PODXL: variants seen among roughly 807,000 people sequenced by gnomAD.
PODXL encodes the protein podocalyxin.
Under a neutral mutation model 48.9 loss-of-function variants are expected in PODXL, and 20 were observed. The ratio of observed to expected loss-of-function variants is 0.41; its 90% CI spans 0.29 to 0.59. The LOEUF is 0.59. Ranked by LOEUF, PODXL falls within the 20% of genes least tolerant of loss-of-function variation. The pLI, the probability that PODXL is intolerant of heterozygous loss-of-function variation, is 0.31. For synonymous variants in PODXL, 295 were observed against 287.4 expected, an observed-to-expected ratio of 1.03 and a Z score of -0.27; for missense variants, 606 against 675.1, an observed-to-expected ratio of 0.90 and a Z score of 1.13.
chr7:131,550,458 C>T (rs1257186603), intron 1 of PODXL, among the ~76,000 whole-genome samples: 1 of 152,098 alleles, frequency 6.6e-6, no homozygotes, highest in Non-Finnish European at 1.5e-5. Context: ...CGTTCAAGAC[C>T]AGCCTGGCCA....
rs916786296 is a variant in PODXL, at chr7:131,511,573, C to T, written c.101-140G>A. On this transcript the variant is annotated intron_variant, in intron 1 of 8. Transcript: ENST00000378555. ...CTAAAGGCCTGGGTCTTTGGTGAATCCAGAATTTTCGGAGGTTCAAGAAAC... is the reference window on the plus strand; with the variant it reads ...CTAAAGGCCTGGGTCTTTGGTGAATTCAGAATTTTCGGAGGTTCAAGAAAC... 6.4e-6 allele frequency: 5 copies of T among 784,136 alleles called. No homozygotes were observed. In the Admixed American group the frequency reaches 8.6e-5, roughly 14 times the overall value. The allele number at this position is 784,136 out of a possible 1,614,324, so 48.6% of individuals were successfully genotyped here. A position where few individuals can be genotyped will look rare whatever the true frequency, so the allele number is the denominator to read the frequency against.
chr7:131,511,654 C>CA (rs1797916818), intron 1 of PODXL, among the ~76,000 whole-genome samples: 1 of 151,758 alleles, frequency 6.6e-6, no homozygotes, highest in African/African-American at 2.4e-5. Context: ...TGGGGTCTTG[C>CA]TATATTGCCC....
rs57935236 is a variant in PODXL, at chr7:131,526,739, C to CTTTTTTTTTTT, written c.101-15317_101-15307dup. Among the ~76,000 whole-genome samples, 475 of 90,486 alleles carry CTTTTTTTTTTT rather than the reference C, an allele frequency of 5.2e-3. 34 individuals are homozygous for CTTTTTTTTTTT. Among genetic ancestry groups the CTTTTTTTTTTT allele is most frequent in the African/African-American group, 0.019 (423 of 22,568 alleles). 59.4% of individuals were successfully genotyped at this position (90,486 alleles called of 152,430 possible). ...TTGTTCAATCCACAACTTCCTTACT[C>CTTTTTTTTTTT]TTTTTTTTTTTTTTTTTTTTGAGAC... On this transcript the variant is annotated intron_variant, in intron 1 of 8. Transcript: ENST00000378555.
chr7:131,515,526 C>A (rs928334716), intron 1 of PODXL, among the ~76,000 whole-genome samples: 2 of 152,046 alleles, frequency 1.3e-5, no homozygotes, highest in Non-Finnish European at 2.9e-5. Context: ...CTCAGCCTCC[C>A]AAGTAGCTGA....
intron 4 of PODXL, 168 bp downstream of exon 4, chr7:131,509,197 T>A: frequency 1.2e-6 from 1 of 816,896 alleles, no homozygotes; most frequent in Non-Finnish European, 2.1e-6. Flanking sequence ...TGAGGGCAGC[T>A]CAAGCCAGGA....
chr7:131,529,656 G>A (rs1056846274), intron 1 of PODXL, among the ~76,000 whole-genome samples: 8 of 151,976 alleles, frequency 5.3e-5, no homozygotes, highest in South Asian at 4.2e-4. Context: ...CAAGATGAGC[G>A]GATGTGTTCC....
intron 1 of PODXL, among the ~76,000 whole-genome samples, chr7:131,547,543 A>G (rs928580892): frequency 2.1e-4 from 32 of 152,322 alleles, no homozygotes; most frequent in Non-Finnish European, 4.1e-4. Context: ...AAGGCTAACA[A>G]GTGTCGAAGC....
Position 131,500,964 on chromosome 7 carries a change from A to G in PODXL, c.*3347T>C, listed in dbSNP as rs1797690769. 1 of 152,188 alleles carries G rather than the reference A, an allele frequency of 6.6e-6. No individual in the cohort carries two copies. The highest frequency in any genetic ancestry group is 1.9e-4 in the East Asian group (1 of 5,196). 9.4% of individuals were successfully genotyped at this position (152,188 alleles called of 1,614,324 possible). A position where few individuals can be genotyped will look rare whatever the true frequency, so the allele number is the denominator to read the frequency against. Reference sequence around the variant, plus strand: ...TGAGCTTCAGATTATCTTTTTCTCTAGAAAAAGATTGGACTAGATCTTGAA... The same window carrying G: ...TGAGCTTCAGATTATCTTTTTCTCTGGAAAAAGATTGGACTAGATCTTGAA... On this transcript the variant is annotated 3_prime_UTR_variant, in exon 9 of 9. Transcript: ENST00000378555.
In PODXL at chr7:131,505,917, G is replaced by A. The variant is rs371046754; in HGVS notation, c.1430C>T (p.Ala477Val). 18 of 1,586,810 alleles carry A rather than the reference G, an allele frequency of 1.1e-5. No homozygotes were observed. Among genetic ancestry groups the A allele is most frequent in the Admixed American group, 1.8e-5 (1 of 54,936 alleles). Residue 477 changes from alanine (A) to valine (V), a missense_variant, in exon 8 of 9, where the codon GCG (alanine) becomes GTG (valine). Coordinates refer to ENST00000378555, the MANE Select transcript of PODXL (RefSeq NM_001018111.3). ...VCMASFLLLV[A>V]ALYGCCHQRL... ...CTGGTGGCAGCAGCCATAGAGGGCC[G>A]CCACGAGGAGCAGGAATGATGCCAT...
At position 131,522,040 on chromosome 7, in the gene PODXL, C is replaced by T. The variant is rs114090191; in HGVS notation, c.101-10607G>A. ...GAACATCTAGGAAGAGGCAGGAATG[C>T]CAGTGAAGGCCGCACCCTCAAGCTC... On this transcript the variant is annotated intron_variant, in intron 1 of 8. Coordinates refer to ENST00000378555, the MANE Select transcript of PODXL (RefSeq NM_001018111.3). Among the ~76,000 whole-genome samples, 1,346 of 152,332 alleles carry T rather than the reference C, an allele frequency of 8.8e-3. 19 individuals carry two copies. Among genetic ancestry groups the T allele is most frequent in the African/African-American group, 0.031 (1,301 of 41,574 alleles).
At chr7:131,506,363 C>T (rs758506387) in intron 6 of PODXL, 42 bp from the exon 7 acceptor site, 13 of 1,604,494 alleles carry the variant, frequency 8.1e-6, no homozygotes, top group Admixed American at 1.7e-5. Context: ...CAGCCCAGAG[C>T]GAGGCAGTGG....
At chr7:131,541,841 G>A (rs776619453) in intron 1 of PODXL, among the ~76,000 whole-genome samples, 9 of 152,134 alleles carry the variant, frequency 5.9e-5, no homozygotes, top group South Asian at 4.1e-4. Flanking sequence ...GCTAGAGTTC[G>A]TCAAGGAAGC....
intron 1 of PODXL, among the ~76,000 whole-genome samples, chr7:131,523,248 T>A (rs938523364): frequency 3.9e-5 from 6 of 152,194 alleles, no homozygotes; most frequent in African/African-American, 1.4e-4. Flanking sequence ...CTCACTGTGG[T>A]TTTAATTTTT....
At position 131,511,288 on chromosome 7, in the gene PODXL, G is replaced by A. The variant is rs373531884; in HGVS notation, c.246C>T (p.Thr82=). 26 of 1,614,000 alleles carry A rather than the reference G, an allele frequency of 1.6e-5. No homozygotes were observed. Among genetic ancestry groups the A allele is most frequent in the Non-Finnish European group, 2.1e-5 (25 of 1,180,016 alleles). ...CCGGTGAGTCACTGGATACACCAAGGGTGGTCGCCTTGACCGAGGCCAAGA... is the reference window on the plus strand; with the variant it reads ...CCGGTGAGTCACTGGATACACCAAGAGTGGTCGCCTTGACCGAGGCCAAGA... ...NEILASVKAT[T]LGVSSDSPGT... The change falls in exon 2 of 9, where the codon ACC becomes ACT. Residue 82 remains threonine, a synonymous_variant. Transcript: ENST00000378555.
chr7:131,514,866 C>T (rs1797967689), intron 1 of PODXL, among the ~76,000 whole-genome samples: 1 of 152,144 alleles, frequency 6.6e-6, no homozygotes, highest in South Asian at 2.1e-4. Flanking sequence ...GCCTCGGCCT[C>T]CCAAAGTGCT....
intron 1 of PODXL, among the ~76,000 whole-genome samples, chr7:131,551,693 T>C (rs1402226914): frequency 6.6e-6 from 1 of 151,858 alleles, no homozygotes; most frequent in African/African-American, 2.4e-5. Context: ...TCCCAGCACT[T>C]TGGGAGGCTG....
intron 1 of PODXL, among the ~76,000 whole-genome samples, chr7:131,547,058 A>G (rs1016229439): frequency 6.6e-6 from 1 of 152,198 alleles, no homozygotes; most frequent in African/African-American, 2.4e-5. Flanking sequence ...ACACTGGGCT[A>G]GGGCTGACGC....
intron 1 of PODXL, among the ~76,000 whole-genome samples, chr7:131,528,206 T>C (rs761408340): frequency 1.3e-5 from 2 of 152,176 alleles, no homozygotes; most frequent in African/African-American, 4.8e-5. Flanking sequence ...AACACTTCCG[T>C]CTTTGAAACA....
chr7:131,527,900 C>CTTTTT lies in PODXL; in HGVS notation c.101-16472_101-16468dup, dbSNP rs759943507. Among the ~76,000 whole-genome samples the CTTTTT allele has an allele frequency of 5.1e-5, 6 of 116,524 alleles. 1 individual carries two copies. The highest frequency in any genetic ancestry group is 1.9e-4 in the African/African-American group (5 of 26,356). 76.4% of individuals were successfully genotyped at this position (116,524 alleles called of 152,430 possible). ...TTGGCCTTCACTGGATAGTCAGACACTTTTTTTTTTTTTTTTTTTTTGAGA... is the reference window on the plus strand; with the variant it reads ...TTGGCCTTCACTGGATAGTCAGACACTTTTTTTTTTTTTTTTTTTTTTTTTTGAGA... On this transcript the variant is annotated intron_variant, in intron 1 of 8. Coordinates refer to ENST00000378555, the MANE Select transcript of PODXL (RefSeq NM_001018111.3).
Sources: gnomAD v4.1 joint callset for allele counts (sites outside exome capture counted in the v4.1 genomes callset) on GRCh38, gnomAD v4.1.1 for gene constraint, MANE v1.5 for transcripts, NCBI Gene and HGNC (gene_info 2026-07-23, HGNC 2026-07-21) for gene names.